PKIA: variants seen among roughly 807,000 people sequenced by gnomAD.
PKIA encodes PKI-alpha.
In PKIA, 4 loss-of-function variants were observed where a neutral mutation model predicts 7.6. That is an observed-to-expected ratio of 0.52 (90% CI 0.26 to 1.20). PKIA has a LOEUF of 1.20. Among genes scored for constraint, PKIA ranks in the 50% most tolerant of loss-of-function variants. The pLI is 0.13. For synonymous variants in PKIA, 21 were observed against 30.7 expected, an observed-to-expected ratio of 0.68 and a Z score of 1.04; for missense variants, 73 against 86.2, an observed-to-expected ratio of 0.85 and a Z score of 0.61.
intron 2 of PKIA, among the ~76,000 whole-genome samples, chr8:78,592,502 C>T (rs1171470121): frequency 3.9e-5 from 6 of 152,072 alleles, no homozygotes; most frequent in African/African-American, 1.4e-4. Context: ...TTCAACTTTA[C>T]AGGAATAATC....
chr8:78,556,137 A>C lies in PKIA; in HGVS notation c.-156-16674A>C, dbSNP rs530019758. Among the ~76,000 whole-genome samples, 4 of 152,234 alleles carry C rather than the reference A, an allele frequency of 2.6e-5. No individual in the cohort carries two copies. In the East Asian group the frequency reaches 5.8e-4, roughly 22 times the overall value. Reference sequence around the variant, plus strand: ...ATTCTTTTTATTCAGTTACCAAAAGAACATTTGCTTTGAATGAATATGGAT... The same window carrying C: ...ATTCTTTTTATTCAGTTACCAAAAGCACATTTGCTTTGAATGAATATGGAT... On this transcript the variant is annotated intron_variant, in intron 1 of 3. Transcript: ENST00000396418.
At chr8:78,584,948 G>T (rs1807913347) in intron 2 of PKIA, among the ~76,000 whole-genome samples, 1 of 151,942 alleles carries the variant, frequency 6.6e-6, no homozygotes, top group African/African-American at 2.4e-5. Flanking sequence ...TAATGGAATA[G>T]AGTCATAATA....
At chr8:78,600,713 G>T (rs1048891218) in intron 3 of PKIA, among the ~76,000 whole-genome samples, 6 of 152,182 alleles carry the variant, frequency 3.9e-5, no homozygotes, top group African/African-American at 1.4e-4. Flanking sequence ...CCTTGGTACT[G>T]CTTTAGAAGA....
rs79658554 is a variant in PKIA, at chr8:78,593,106, G to A, written c.-27-5252G>A. Among the ~76,000 whole-genome samples, 698 of 152,138 alleles carry A rather than the reference G, an allele frequency of 4.6e-3. 4 individuals carry two copies. The highest frequency in any genetic ancestry group is 0.016 in the African/African-American group (670 of 41,524). ...CATTGTTATCAGATGAGAAATAATAGCACTCGTGCTTTTTTCAAGCCTGTT... is the reference window on the plus strand; with the variant it reads ...CATTGTTATCAGATGAGAAATAATAACACTCGTGCTTTTTTCAAGCCTGTT... On this transcript the variant is annotated intron_variant, in intron 2 of 3. Transcript: ENST00000396418.
intron 1 of PKIA, among the ~76,000 whole-genome samples, chr8:78,542,075 A>G (rs942129636): frequency 1.3e-5 from 2 of 152,012 alleles, no homozygotes; most frequent in African/African-American, 4.8e-5. Flanking sequence ...ACTCAAGATG[A>G]TTGCTTGAGC....
intron 1 of PKIA, among the ~76,000 whole-genome samples, chr8:78,545,319 G>A (rs1806794078): frequency 6.6e-6 from 1 of 152,072 alleles, no homozygotes; most frequent in African/African-American, 2.4e-5. Context: ...AAGAATATCA[G>A]TTGTGGGCTG....
At chr8:78,530,708 C>A (rs573419044) in intron 1 of PKIA, among the ~76,000 whole-genome samples, 1 of 152,070 alleles carries the variant, frequency 6.6e-6, no homozygotes, top group South Asian at 2.1e-4. Context: ...TTTGATTATA[C>A]ACACACACAT....
intron 1 of PKIA, among the ~76,000 whole-genome samples, chr8:78,533,392 G>T (rs1234327567): frequency 1.3e-5 from 2 of 152,068 alleles, no homozygotes; most frequent in African/African-American, 4.8e-5. Context: ...ACTTAAAATA[G>T]ATATAGATTT....
intron 2 of PKIA, among the ~76,000 whole-genome samples, chr8:78,574,778 C>T (rs112572131): frequency 0.035 from 5,309 of 152,012 alleles, 98 homozygotes; most frequent in African/African-American, 0.043. Context: ...ATGTACTTAT[C>T]AATAAGCTAC....
At chr8:78,591,284 G>GT (rs1362714057) in intron 2 of PKIA, 1 of 152,628 alleles carries the variant, frequency 6.6e-6, no homozygotes, top group Non-Finnish European at 1.5e-5. Flanking sequence ...CGTAGGAGAC[G>GT]TAAGTACATG....
chr8:78,597,479 T>C (rs749428716), intron 2 of PKIA, among the ~76,000 whole-genome samples: 2 of 152,112 alleles, frequency 1.3e-5, no homozygotes, highest in Non-Finnish European at 2.9e-5. Context: ...TGGTGCATAG[T>C]GGTAATAAAA....
intron 3 of PKIA, among the ~76,000 whole-genome samples, chr8:78,599,122 C>G (rs1190123979): frequency 2.0e-5 from 3 of 151,940 alleles, no homozygotes; most frequent in African/African-American, 7.2e-5. Flanking sequence ...AATTCTTACC[C>G]AAGGAGTCTA....
chr8:78,518,782 G>A (rs773393771), intron 1 of PKIA, among the ~76,000 whole-genome samples: 2 of 152,150 alleles, frequency 1.3e-5, no homozygotes, highest in African/African-American at 2.4e-5. Flanking sequence ...GTTATGGACT[G>A]GAGTTGGAGA....
intron 1 of PKIA, among the ~76,000 whole-genome samples, chr8:78,549,333 T>C (rs890875996): frequency 7.2e-5 from 11 of 151,872 alleles, no homozygotes; most frequent in Non-Finnish European, 8.8e-5. Context: ...GTAGCAGATA[T>C]GCACACTAAA....
rs1299294752 is a variant in PKIA, at chr8:78,601,876, TCTGGAATG to T, written c.*57_*64del. ...AAAATGTCTCAAATCTCCAGGAGTA[TCTGGAATG>T]CATTTGTTTCCATGAGTGAAAAGAG... is the stretch of plus-strand genomic sequence containing the variant. On this transcript the variant is annotated 3_prime_UTR_variant, in exon 4 of 4. Transcript: ENST00000396418. 3.3e-5 allele frequency: 43 copies of T among 1,301,976 alleles called. No individual in the cohort carries two copies. The highest frequency in any genetic ancestry group is 1.1e-6 in the Non-Finnish European group (1 of 903,082). The allele number at this position is 1,301,976 out of a possible 1,614,324, so 80.7% of individuals were successfully genotyped here.
chr8:78,555,044 ATCATATTATACAT>A (rs989579634), intron 1 of PKIA, among the ~76,000 whole-genome samples: 11 of 152,136 alleles, frequency 7.2e-5, no homozygotes, highest in Non-Finnish European at 1.6e-4. Context: ...CACTGTGTGA[ATCATATTATACAT>A]TCTGTAATAT....
chr8:78,574,573 TCA>T (rs1376450568), intron 2 of PKIA, among the ~76,000 whole-genome samples: 10 of 151,834 alleles, frequency 6.6e-5, no homozygotes, highest in Non-Finnish European at 1.5e-4. Flanking sequence ...ACCAAAACAC[TCA>T]CACACACTCT....
intron 1 of PKIA, among the ~76,000 whole-genome samples, chr8:78,547,555 C>T (rs947178175): frequency 1.3e-5 from 2 of 152,078 alleles, no homozygotes; most frequent in African/African-American, 4.8e-5. Flanking sequence ...CTACCAAAAT[C>T]ATTCTGTAAA....
chr8:78,544,234 TA>T (rs1449622766), intron 1 of PKIA, among the ~76,000 whole-genome samples: 2 of 152,210 alleles, frequency 1.3e-5, no homozygotes, highest in Non-Finnish European at 2.9e-5. Flanking sequence ...TCATGTCTTC[TA>T]ACACTTAACT....
Sources: gnomAD v4.1 joint callset for allele counts (sites outside exome capture counted in the v4.1 genomes callset) on GRCh38, gnomAD v4.1.1 for gene constraint, MANE v1.5 for transcripts, NCBI Gene and HGNC (gene_info 2026-07-23, HGNC 2026-07-21) for gene names.